Variants in TMEM33 observed in about 807,000 individuals in gnomAD.
The protein encoded by TMEM33 is transmembrane protein 33.
TMEM33 carries 16 observed loss-of-function variants against 29.7 expected under a neutral mutation model. That is an observed-to-expected ratio of 0.54 (90% confidence interval 0.36 to 0.82). The LOEUF is 0.82. Among genes scored for constraint, TMEM33 ranks in the 40% least tolerant of loss-of-function variants. The pLI is 0.00. For synonymous variants in TMEM33, 112 were observed against 109.4 expected (o/e 1.02, Z -0.15); for missense variants, 252 against 295.3 (o/e 0.85, Z 1.08).
chr4:41,953,781 T>TA (rs1261070710), intron 6 of TMEM33: 2 of 475,124 alleles, frequency 4.2e-6, no homozygotes, highest in South Asian at 3.1e-5. Context: ...CCAAAACAGT[T>TA]ACAATAGTAA....
chr4:41,935,167 G>A (rs1712151708), upstream of TMEM33: 3 of 472,100 alleles, frequency 6.4e-6, no homozygotes, highest in African/African-American at 4.1e-5. Context: ...CCTGGAGCCG[G>A]CGGCGTAGGT....
intron 1 of TMEM33, among the ~76,000 whole-genome samples, chr4:41,936,574 T>C (rs1212687413): frequency 1.3e-5 from 2 of 151,842 alleles, no homozygotes; most frequent in African/African-American, 4.8e-5. Flanking sequence ...AAACATAAAT[T>C]AGCCGGTCGT....
rs1179766326 is a variant in TMEM33 at position 41,957,679 on chromosome 4, G to T, written c.*3480G>T. The T allele has an allele frequency of 2.6e-5, 4 of 151,852 alleles. No individual in the cohort carries two copies. The highest frequency in any genetic ancestry group is 4.4e-5 in the Non-Finnish European group (3 of 67,990). 9.4% of individuals were successfully genotyped at this position (151,852 alleles called of 1,614,324 possible). Reference sequence around the variant, plus strand: ...AAAGAACCTTAACTAATGCTAAGGAGTTTATTTTGATTAACATAGGTTATT... The same window carrying T: ...AAAGAACCTTAACTAATGCTAAGGATTTTATTTTGATTAACATAGGTTATT... On this transcript the variant is annotated 3_prime_UTR_variant, in exon 7 of 7. Coordinates refer to ENST00000504986, the MANE Select transcript of TMEM33 (RefSeq NM_018126.3).
intron 4 of TMEM33, chr4:41,944,098 T>C (rs556918049): frequency 1.0e-4 from 36 of 357,890 alleles, no homozygotes; most frequent in Admixed American, 2.8e-4. Context: ...CCTGTGTCTC[T>C]AAAGTTTGTT....
chr4:41,935,851 G>C (rs1372948435), intron 1 of TMEM33, among the ~76,000 whole-genome samples: 1 of 152,192 alleles, frequency 6.6e-6, no homozygotes, highest in Admixed American at 6.5e-5. Context: ...TGCCGCATGA[G>C]ATTGTGCCAT....
chr4:41,944,962 G>A, intron 5 of TMEM33, 36 bp downstream of exon 5: 1 of 1,603,196 alleles, frequency 6.2e-7, no homozygotes, highest in Non-Finnish European at 8.5e-7. Flanking sequence ...GGAGGCTGAT[G>A]ACTGAACGTA....
At chr4:41,944,437 A>G (rs1472161586) in intron 4 of TMEM33, among the ~76,000 whole-genome samples, 3 of 152,172 alleles carry the variant, frequency 2.0e-5, no homozygotes, top group Non-Finnish European at 4.4e-5. Flanking sequence ...TATAATTCTA[A>G]CATTAGCTAA....
At chr4:41,939,468 TC>T in intron 3 of TMEM33, 85 bp downstream of exon 3, 2 of 1,422,380 alleles carry the variant, frequency 1.4e-6, no homozygotes, top group Non-Finnish European at 1.9e-6. Context: ...ATGAAGGCAT[TC>T]CATGAAGCCT....
chr4:41,947,057 G>A (rs1712827501), intron 5 of TMEM33, among the ~76,000 whole-genome samples: 1 of 152,086 alleles, frequency 6.6e-6, no homozygotes, highest in South Asian at 2.1e-4. Flanking sequence ...CCAATGTGGT[G>A]AAACCCCGTC....
At position 41,960,601 on chromosome 4, in the gene TMEM33, T is replaced by C. The variant is rs746303156; in HGVS notation, c.*6402T>C. 1 of 152,170 alleles carries C rather than the reference T, an allele frequency of 6.6e-6. No homozygotes were observed. Among genetic ancestry groups the C allele is most frequent in the African/African-American group, 2.4e-5 (1 of 41,446 alleles). 9.4% of individuals were successfully genotyped at this position (152,170 alleles called of 1,614,324 possible). ...TATCTTGCAAAAGAACTAAGAACATTTGTAGTTAGAAATCAGCTTTCCTTT... is the reference window on the plus strand; with the variant it reads ...TATCTTGCAAAAGAACTAAGAACATCTGTAGTTAGAAATCAGCTTTCCTTT... On this transcript the variant is annotated 3_prime_UTR_variant, in exon 7 of 7. Transcript: ENST00000504986.
intron 6 of TMEM33, among the ~76,000 whole-genome samples, chr4:41,952,272 A>G (rs1048878477): frequency 1.3e-5 from 2 of 152,212 alleles, no homozygotes; most frequent in East Asian, 3.8e-4. Context: ...TCCAAATATT[A>G]TTATTCCTGT....
chr4:41,940,127 G>T (rs2153126609), intron 3 of TMEM33, among the ~76,000 whole-genome samples: 1 of 144,966 alleles, frequency 6.9e-6, no homozygotes, highest in African/African-American at 2.7e-5. Flanking sequence ...CAAAGTGCTG[G>T]GATTATAGGC....
chr4:41,936,140 A>G (rs1428222072), intron 1 of TMEM33, among the ~76,000 whole-genome samples: 3 of 152,236 alleles, frequency 2.0e-5, no homozygotes, highest in African/African-American at 4.8e-5. Context: ...TGTGACCACA[A>G]TGCAGTTACC....
intron 2 of TMEM33, among the ~76,000 whole-genome samples, chr4:41,938,934 A>G (rs779304742): frequency 3.3e-5 from 5 of 152,244 alleles, no homozygotes. Flanking sequence ...GGAATGAGAT[A>G]AGTTCATGTT....
At position 41,956,706 on chromosome 4, in the gene TMEM33, T is replaced by C. The variant is rs1713290428; in HGVS notation, c.*2507T>C. ...AGGTTTTATGTCATTTTAGCAGAAT[T>C]ATAATATTTCTGATATACTCATGTT... On this transcript the variant is annotated 3_prime_UTR_variant, in exon 7 of 7. Coordinates refer to ENST00000504986, the MANE Select transcript of TMEM33 (RefSeq NM_018126.3). 1 of 152,210 alleles carries C rather than the reference T, an allele frequency of 6.6e-6. No individual in the cohort carries two copies. The highest frequency in any genetic ancestry group is 1.5e-5 in the Non-Finnish European group (1 of 68,024). The allele number at this position is 152,210 out of a possible 1,614,324, so 9.4% of individuals were successfully genotyped here.
rs1713192785 is a variant in TMEM33 at position 41,954,844 on chromosome 4, T to C, written c.*645T>C. ...TTTAAAAGGCTCAACTGTAAGCCTC[T>C]TAGCCAGTTGGATAAATATTTGGGG... On this transcript the variant is annotated 3_prime_UTR_variant, in exon 7 of 7. Coordinates refer to ENST00000504986, the MANE Select transcript of TMEM33 (RefSeq NM_018126.3). The C allele has an allele frequency of 6.6e-6, 1 of 152,534 alleles. No homozygotes were observed. Among genetic ancestry groups the C allele is most frequent in the Non-Finnish European group, 1.5e-5 (1 of 68,034 alleles). The allele number at this position is 152,534 out of a possible 1,614,324, so 9.4% of individuals were successfully genotyped here. A position where few individuals can be genotyped will look rare whatever the true frequency, so the allele number is the denominator to read the frequency against.
chr4:41,935,418 T>C, upstream of TMEM33: 2 of 1,528,244 alleles, frequency 1.3e-6, no homozygotes, highest in South Asian at 1.2e-5. Flanking sequence ...GCCCCAGCGC[T>C]GACGTTTTCT....
chr4:41,955,961 A>G lies in TMEM33; in HGVS notation c.*1762A>G, dbSNP rs1216954637. 1.3e-5 allele frequency: 2 copies of G among 152,268 alleles called. No individual in the cohort carries two copies. The highest frequency in any genetic ancestry group is 2.9e-5 in the Non-Finnish European group (2 of 68,002). The allele number at this position is 152,268 out of a possible 1,614,324, so 9.4% of individuals were successfully genotyped here. A position where few individuals can be genotyped will look rare whatever the true frequency, so the allele number is the denominator to read the frequency against. ...AGATTTATAGAAGAGTCAGAAATGTACAAGAGAGTTTTTTTGTTGTTGTTT... is the reference window on the plus strand; with the variant it reads ...AGATTTATAGAAGAGTCAGAAATGTGCAAGAGAGTTTTTTTGTTGTTGTTT... On this transcript the variant is annotated 3_prime_UTR_variant, in exon 7 of 7. Transcript: ENST00000504986.
Position 41,959,876 on chromosome 4 carries a change from T to A in TMEM33, c.*5677T>A, listed in dbSNP as rs1713408625. 1 of 152,180 alleles carries A rather than the reference T, an allele frequency of 6.6e-6. No individual in the cohort carries two copies. The highest frequency in any genetic ancestry group is 2.4e-5 in the African/African-American group (1 of 41,448). 9.4% of individuals were successfully genotyped at this position (152,180 alleles called of 1,614,324 possible). ...TGGTGCTTTATATAATGGCATATAT[T>A]GAACTAAAAATTTGTATATACAGTA... is the stretch of plus-strand genomic sequence containing the variant. On this transcript the variant is annotated 3_prime_UTR_variant, in exon 7 of 7. Transcript: ENST00000504986.
Sources: gnomAD v4.1 joint callset for allele counts (sites outside exome capture counted in the v4.1 genomes callset) on GRCh38, gnomAD v4.1.1 for gene constraint, MANE v1.5 for transcripts, NCBI Gene and HGNC (gene_info 2026-07-23, HGNC 2026-07-21) for gene names.